CDK5RAP3: variants seen among roughly 807,000 people sequenced by gnomAD.
CDK5RAP3 encodes CDK5 regulatory subunit-associated protein 3.
CDK5RAP3 carries 58 observed loss-of-function variants against 73.3 expected under a neutral mutation model. The observed-to-expected ratio is 0.79, with a 90% CI of 0.64 to 0.98. CDK5RAP3 has a LOEUF of 0.98. Ranked by LOEUF, CDK5RAP3 falls within the 50% of genes least tolerant of loss-of-function variation. The pLI, the probability that CDK5RAP3 is intolerant of heterozygous loss-of-function variation, is 0.00. For missense variants in CDK5RAP3, 525 were observed against 615.8 expected (o/e 0.85, Z 1.56); for synonymous variants, 224 against 247.5 (o/e 0.91, Z 0.89).
At chr17:47,973,391 C>T in intron 2 of CDK5RAP3, 128 bp from the exon 3 acceptor site, 2 of 1,041,058 alleles carry the variant, frequency 1.9e-6, no homozygotes, top group Non-Finnish European at 2.7e-6. Context: ...CCCATCTTCC[C>T]ATGACCCCCA....
At chr17:47,970,572 T>C (rs35795560), upstream of CDK5RAP3, 6,139 of 1,187,880 alleles carry the variant, frequency 5.2e-3, 217 homozygotes, top group African/African-American at 0.082. Context: ...ACCGACTCTC[T>C]TCCTTCCCCT....
At chr17:47,977,549 G>A (rs1427944046) in intron 9 of CDK5RAP3, among the ~76,000 whole-genome samples, 2 of 152,142 alleles carry the variant, frequency 1.3e-5, no homozygotes, top group Admixed American at 6.5e-5. Context: ...GAGGTGCTGG[G>A]ATTACAAGCG....
intron 5 of CDK5RAP3, chr17:47,974,946 G>A: frequency 7.0e-7 from 1 of 1,428,486 alleles, no homozygotes; most frequent in South Asian, 1.5e-5. Flanking sequence ...ATTCTCTCTT[G>A]CATCTTCATG....
intron 4 of CDK5RAP3, 85 bp from the exon 5 acceptor site, chr17:47,974,315 A>G (rs1475157170): frequency 1.3e-5 from 16 of 1,185,788 alleles, no homozygotes; most frequent in Non-Finnish European, 1.3e-6. Context: ...AAAGGCTGGG[A>G]GAACTTACCC....
rs779893428 is a variant in CDK5RAP3 at position 47,975,891 on chromosome 17, A to G, written c.676A>G (p.Met226Val). Residue 226 changes from methionine (M) to valine (V), a missense_variant, in exon 8 of 14, where the codon ATG (methionine) becomes GTG (valine). Around this residue, in one of 2 missense-constraint regions of CDK5RAP3, gnomAD observed 409 missense variants for 429.8 expected, o/e 0.95. Transcript: ENST00000338399. ...CESPTEQVLPMLRFVQKRGNS... is the reference protein window; with the variant it reads ...CESPTEQVLPVLRFVQKRGNS... ...AAGCCCCACAGAGCAGGTGTTGCCA[A>G]TGCTGCGGTTCGTGCAGAAGCGGGG... 25 of 1,614,064 alleles carry G rather than the reference A, an allele frequency of 1.5e-5. No homozygotes were observed. The highest frequency in any genetic ancestry group is 2.0e-5 in the Non-Finnish European group (24 of 1,180,056).
At chr17:47,977,997 A>ATGAGGC in intron 10 of CDK5RAP3, 87 bp downstream of exon 10, 1 of 930,860 alleles carries the variant, frequency 1.1e-6, no homozygotes, top group Non-Finnish European at 1.7e-6. Flanking sequence ...CAGCGCTAAG[A>ATGAGGC]TGAGGCTTCT....
intron 11 of CDK5RAP3, chr17:47,979,287 G>A (rs1419683550): frequency 5.2e-6 from 1 of 193,680 alleles, no homozygotes; most frequent in Non-Finnish European, 1.1e-5. Flanking sequence ...GGATGACGAG[G>A]ATGTTGGAAA....
Position 47,975,580 on chromosome 17 carries a change from G to A in CDK5RAP3, c.580G>A (p.Gly194Arg). 1 of 1,610,236 alleles carries A rather than the reference G, an allele frequency of 6.2e-7. No individual in the cohort carries two copies. Among genetic ancestry groups the A allele is most frequent in the Non-Finnish European group, 8.5e-7 (1 of 1,180,006 alleles). The change falls in exon 7 of 14, where the codon GGG becomes AGG. Residue 194 changes from glycine to arginine, a missense_variant. Around this residue, in one of 2 missense-constraint regions of CDK5RAP3, gnomAD observed 409 missense variants for 429.8 expected, o/e 0.95. Coordinates refer to ENST00000338399, the MANE Select transcript of CDK5RAP3 (RefSeq NM_176096.3). The part of the protein sequence containing the change: ...KDLPSQLAEI[G>R]AAAQQSLGEA... ...CCTGCCGAGTCAGCTGGCTGAGATT[G>A]GGGCAGCGGCTCAGCAGTCCCTGGG... is the stretch of plus-strand genomic sequence containing the variant.
chr17:47,980,919 G>A lies in CDK5RAP3; in HGVS notation c.1283+121G>A, dbSNP rs574553189. On this transcript the variant is annotated intron_variant, in intron 12 of 13. Coordinates refer to ENST00000338399, the MANE Select transcript of CDK5RAP3 (RefSeq NM_176096.3). ...TGCCTCCTGGCCATTGCCATCCACT[G>A]GGGATAGGGGTTCTCTTTGGGACAA... The A allele has an allele frequency of 2.8e-5, 30 of 1,058,616 alleles. No individual in the cohort carries two copies. The African/African-American group carries it at 3.5e-4, about 12-fold the overall frequency. 65.6% of individuals were successfully genotyped at this position (1,058,616 alleles called of 1,614,324 possible).
intron 8 of CDK5RAP3, 94 bp downstream of exon 8, chr17:47,976,107 G>C: frequency 6.8e-7 from 1 of 1,463,174 alleles, no homozygotes; most frequent in Non-Finnish European, 9.2e-7. Context: ...CCAGAGAGAA[G>C]AAGGGAGGAT....
chr17:47,977,481 C>T (rs947408034), intron 9 of CDK5RAP3, among the ~76,000 whole-genome samples: 2 of 152,080 alleles, frequency 1.3e-5, no homozygotes, highest in African/African-American at 4.8e-5. Flanking sequence ...CAGGGTTTCG[C>T]CGTGTTGGCC....
rs1598228144 is a variant in CDK5RAP3 at position 47,978,500 on chromosome 17, A to G, written c.989-329A>G. The stretch of plus-strand genomic sequence containing the variant: ...GGAGTGTGACATGACCCCCGCCCCA[A>G]CAGCAGAGAAGACGTAGTGGTGTCT... On this transcript the variant is annotated intron_variant, in intron 10 of 13. Transcript: ENST00000338399. 8 of 293,670 alleles carry G rather than the reference A, an allele frequency of 2.7e-5. No individual in the cohort carries two copies. The South Asian group carries it at 2.9e-4, about 11-fold the overall frequency. The allele number at this position is 293,670 out of a possible 1,614,324, so 18.2% of individuals were successfully genotyped here.
chr17:47,971,287 A>G (rs1020696506), intron 1 of CDK5RAP3, 75 bp from the exon 2 acceptor site: 7 of 1,553,376 alleles, frequency 4.5e-6, no homozygotes, highest in Admixed American at 3.9e-5. Flanking sequence ...GGTGGTTGGG[A>G]CGTTGAAATG....
At chr17:47,975,734 C>T in intron 7 of CDK5RAP3, 81 bp downstream of exon 7, 3 of 1,566,184 alleles carry the variant, frequency 1.9e-6, no homozygotes, top group Non-Finnish European at 2.6e-6. Context: ...TTGTCTTGTT[C>T]CCATATAACA....
At chr17:47,968,866 T>C (rs2036214701), upstream of CDK5RAP3, among the ~76,000 whole-genome samples, 1 of 152,014 alleles carries the variant, frequency 6.6e-6, no homozygotes, top group Non-Finnish European at 1.5e-5. Flanking sequence ...ATCAGGCTGG[T>C]CTCGAATTCC....
rs781588625 is a variant in CDK5RAP3 at position 47,977,914 on chromosome 17, A to G, written c.988+4A>G. The G allele has an allele frequency of 2.5e-6, 4 of 1,613,630 alleles. No individual in the cohort carries two copies. Among genetic ancestry groups the G allele is most frequent in the South Asian group, 2.2e-5 (2 of 91,074 alleles). On this transcript the variant is annotated splice_donor_region_variant and intron_variant, in intron 10 of 13. Transcript: ENST00000338399. Reference sequence around the variant, plus strand: ...GTGCTGGAAGCAGGAACCCAGGGTAAGTGCACCATCCCCTGCAGCCCTGGC... The same window carrying G: ...GTGCTGGAAGCAGGAACCCAGGGTAGGTGCACCATCCCCTGCAGCCCTGGC...
chr17:47,981,033 G>A, intron 12 of CDK5RAP3, 130 bp from the exon 13 acceptor site: 1 of 1,053,486 alleles, frequency 9.5e-7, no homozygotes, highest in Non-Finnish European at 1.4e-6. Flanking sequence ...TAAAAGGAAA[G>A]GGTTTAAGGA....
Position 47,978,887 on chromosome 17 carries a change from C to A in CDK5RAP3, c.1047C>A (p.Thr349=). ...DALTLLEYTE[T]RNQFLDELME... is the part of the protein sequence containing the mutation. Reference sequence around the variant, plus strand: ...TGACACTGCTTGAATACACTGAGACCCGGAATCAGTTCCTTGATGAGCTCA... The same window carrying A: ...TGACACTGCTTGAATACACTGAGACACGGAATCAGTTCCTTGATGAGCTCA... The change falls in exon 11 of 14, where the codon ACC becomes ACA. Residue 349 remains threonine (T), a synonymous_variant. Transcript: ENST00000338399. 1 of 1,613,978 alleles carries A rather than the reference C, an allele frequency of 6.2e-7. No homozygotes were observed. Among genetic ancestry groups the A allele is most frequent in the Non-Finnish European group, 8.5e-7 (1 of 1,179,942 alleles).
intron 2 of CDK5RAP3, among the ~76,000 whole-genome samples, 159 bp downstream of exon 2, chr17:47,971,566 G>A (rs2036268648): frequency 6.6e-6 from 1 of 152,230 alleles, no homozygotes; most frequent in Non-Finnish European, 1.5e-5. Flanking sequence ...CTGCTTCCCT[G>A]ATAGCAGCGG....
Sources: gnomAD v4.1 joint callset for allele counts (sites outside exome capture counted in the v4.1 genomes callset) on GRCh38, gnomAD v4.1.1 for gene constraint, gnomAD v4.1.1 regional missense constraint, MANE v1.5 for transcripts, NCBI Gene and HGNC (gene_info 2026-07-23, HGNC 2026-07-21) for gene names.